The following F11 variants were observed in gnomAD, a reference collection of about 807,000 sequenced individuals.
F11 encodes coagulation factor XI.
F11 carries 78 observed loss-of-function variants against 76.5 expected under a neutral mutation model. The ratio of observed to expected loss-of-function variants is 1.02; its 90% CI spans 0.85 to 1.23. F11 has a LOEUF of 1.23. Among genes scored for constraint, F11 ranks in the 50% most tolerant of loss-of-function variants. F11 has a pLI of 0.00. For synonymous variants in F11, 278 were observed against 276.3 expected, an observed-to-expected ratio of 1.01 and a Z score of -0.06; for missense variants, 742 against 771.4, an observed-to-expected ratio of 0.96 and a Z score of 0.45.
chr4:186,285,683 T>C lies in F11; in HGVS notation c.1350T>C (p.Asn450=). The change falls in exon 12 of 15, where the codon AAT becomes AAC. Residue 450 remains asparagine, a synonymous_variant. Coordinates refer to ENST00000403665, the MANE Select transcript of F11 (RefSeq NM_000128.4). ...TGCGTGTCTACAGTGGCATTTTAAA[T>C]CAATCTGAAATAAAAGAGGACACAT... The part of the protein sequence containing the change: ...KILRVYSGIL[N]QSEIKEDTSF... 6.2e-7 allele frequency: 1 copy of C among 1,614,126 alleles called. No homozygotes were observed.
intron 2 of F11, among the ~76,000 whole-genome samples, chr4:186,268,407 G>C (rs926321185): frequency 2.0e-5 from 3 of 152,198 alleles, no homozygotes; most frequent in Non-Finnish European, 2.9e-5. Context: ...AGGAATGATA[G>C]TGTACATATT....
rs1267998375 is a variant in F11 at position 186,287,764 on chromosome 4, A to C, written c.1657A>C (p.Lys553Gln). The C allele has an allele frequency of 2.1e-5, 34 of 1,613,778 alleles. No individual in the cohort carries two copies. The highest frequency in any genetic ancestry group is 2.8e-5 in the Non-Finnish European group (33 of 1,179,794). ...EECQKRYRGH[K>Q]ITHKMICAGY... ...GTGCCAGAAGAGATACAGAGGACAT[A>C]AAATAACCCATAAGATGATCTGTGC... The change falls in exon 14 of 15, where the codon AAA becomes CAA. Residue 553 changes from lysine (K) to glutamine (Q), a missense_variant. Coordinates refer to ENST00000403665, the MANE Select transcript of F11 (RefSeq NM_000128.4).
At chr4:186,272,270 C>T (rs1413249766) in intron 3 of F11, among the ~76,000 whole-genome samples, 1 of 152,138 alleles carries the variant, frequency 6.6e-6, no homozygotes, top group African/African-American at 2.4e-5. Context: ...ACATGTTTAA[C>T]CGTTTGAAAT....
chr4:186,287,027 G>A (rs1741254781), intron 13 of F11, among the ~76,000 whole-genome samples: 1 of 152,036 alleles, frequency 6.6e-6, no homozygotes, highest in Non-Finnish European at 1.5e-5. Flanking sequence ...AGGCTGGAGT[G>A]CAGTGGCACG....
At chr4:186,286,296 CA>C in intron 12 of F11, 118 bp from the exon 13 acceptor site, 1 of 1,029,698 alleles carries the variant, frequency 9.7e-7, no homozygotes, top group South Asian at 1.3e-5. Flanking sequence ...GACAACAAGG[CA>C]AAAAATGAAT....
chr4:186,280,595 A>G lies in F11; in HGVS notation c.1135+15A>G. ...AATGGATAATGGTGAGTATAATGTC[A>G]CTTGAAAAAATATAGCTGAAGGAAT... On this transcript the variant is annotated intron_variant, in intron 10 of 14. Transcript: ENST00000403665. 1 of 1,571,728 alleles carries G rather than the reference A, an allele frequency of 6.4e-7. No individual in the cohort carries two copies. The highest frequency in any genetic ancestry group is 1.3e-5 in the African/African-American group (1 of 74,104).
At position 186,270,132 on chromosome 4, in the gene F11, G is replaced by C. The variant is rs531876969; in HGVS notation, c.56-1477G>C. The stretch of plus-strand genomic sequence containing the variant: ...CACAGATGATGTGATTGAGTACCTA[G>C]AAAAATCCAAAATTAACCATCACAT... On this transcript the variant is annotated intron_variant, in intron 2 of 14. Coordinates refer to ENST00000403665, the MANE Select transcript of F11 (RefSeq NM_000128.4). Among the ~76,000 whole-genome samples the C allele has an allele frequency of 2.0e-5, 3 of 152,276 alleles. No individual in the cohort carries two copies. The East Asian group carries it at 5.8e-4, about 29-fold the overall frequency.
chr4:186,270,961 C>A (rs545036378), intron 2 of F11, among the ~76,000 whole-genome samples: 38 of 151,852 alleles, frequency 2.5e-4, no homozygotes, highest in African/African-American at 8.7e-4. Context: ...CTACCTTAGC[C>A]TCCCAAAGTG....
At position 186,275,988 on chromosome 4, in the gene F11, A is replaced by T. The variant is rs182849264; in HGVS notation, c.595+92A>T. ...CTCAGGATACCAGCTTATGCTCACG[A>T]TGAAACGGACCCAAAGATCTTTACC... On this transcript the variant is annotated intron_variant, in intron 6 of 14. Transcript: ENST00000403665. 2,864 of 1,121,628 alleles carry T rather than the reference A, an allele frequency of 2.6e-3. 6 individuals carry two copies. The highest frequency in any genetic ancestry group is 2.8e-3 in the Non-Finnish European group (2,139 of 758,578). 69.5% of individuals were successfully genotyped at this position (1,121,628 alleles called of 1,614,324 possible).
At position 186,282,791 on chromosome 4, in the gene F11, G is replaced by A. The variant is rs899232331; in HGVS notation, c.1136-1301G>A. The A allele has an allele frequency of 7.1e-6, 7 of 985,074 alleles. No individual in the cohort carries two copies. The East Asian group carries it at 5.7e-4, about 80-fold the overall frequency. The allele number at this position is 985,074 out of a possible 1,614,324, so 61.0% of individuals were successfully genotyped here. ...CTGTTCAGGCTTCCGAAGTCACATCGTGCTCGTTCTCACCTCAGTTGCTGT... is the reference window on the plus strand; with the variant it reads ...CTGTTCAGGCTTCCGAAGTCACATCATGCTCGTTCTCACCTCAGTTGCTGT... On this transcript the variant is annotated intron_variant, in intron 10 of 14. Transcript: ENST00000403665.
intron 3 of F11, 140 bp downstream of exon 3, chr4:186,271,911 C>T: frequency 9.7e-7 from 1 of 1,034,756 alleles, no homozygotes; most frequent in Non-Finnish European, 1.5e-6. Context: ...AATATTGTTA[C>T]AGAAAGAAGT....
intron 7 of F11, 62 bp from the exon 8 acceptor site, chr4:186,279,949 GC>G: frequency 8.2e-7 from 1 of 1,224,354 alleles, no homozygotes; most frequent in South Asian, 1.2e-5. Flanking sequence ...TTCTCTAGGT[GC>G]TGTAAAAATG....
At chr4:186,276,047 C>A in intron 6 of F11, 151 bp downstream of exon 6, 1 of 916,566 alleles carries the variant, frequency 1.1e-6, no homozygotes, top group Non-Finnish European at 1.7e-6. Context: ...ATGTCCTATA[C>A]AGTTAGATCC....
chr4:186,275,952 A>T (rs893990540), intron 6 of F11, 56 bp downstream of exon 6: 6 of 1,357,020 alleles, frequency 4.4e-6, no homozygotes, highest in Non-Finnish European at 6.2e-6. Flanking sequence ...TGATGATTAC[A>T]GTAGATCTCA....
At chr4:186,281,880 G>C in intron 10 of F11, 1 of 1,220,526 alleles carries the variant, frequency 8.2e-7, no homozygotes, top group South Asian at 1.4e-5. Context: ...AGAACATAAA[G>C]ACGTTATATT....
rs552380122 is a variant in F11 at position 186,276,227 on chromosome 4, G to C, written c.596-4G>C. The C allele has an allele frequency of 1.9e-6, 3 of 1,614,036 alleles. No individual in the cohort carries two copies. Among genetic ancestry groups the C allele is most frequent in the South Asian group, 2.2e-5 (2 of 91,076 alleles). On this transcript the variant is annotated splice_polypyrimidine_tract_variant and splice_region_variant and intron_variant, in intron 6 of 14. Transcript: ENST00000403665. ...GTCCCTGACATAGTTCTTCCGTCGC[G>C]CAGCTTGTATTAGGGACATTTTCCC...
chr4:186,273,699 C>T (rs963248776), intron 4 of F11, among the ~76,000 whole-genome samples: 5 of 152,134 alleles, frequency 3.3e-5, no homozygotes, highest in East Asian at 1.9e-4. Flanking sequence ...GTGATCTGCC[C>T]GCCTCGGCCT....
At position 186,271,591 on chromosome 4, in the gene F11, C is replaced by T; in HGVS notation, c.56-18C>T. The T allele has an allele frequency of 6.2e-7, 1 of 1,613,930 alleles. No homozygotes were observed. The highest frequency in any genetic ancestry group is 1.3e-5 in the African/African-American group (1 of 75,044). The stretch of plus-strand genomic sequence containing the variant: ...CCAGTAAAATCCAACATAACGCATG[C>T]CATGTACTACATCACAGAATGTGTG... On this transcript the variant is annotated intron_variant, in intron 2 of 14. Transcript: ENST00000403665.
intron 2 of F11, 113 bp downstream of exon 2, chr4:186,267,304 T>C: frequency 1.2e-6 from 1 of 818,696 alleles, no homozygotes. Flanking sequence ...AAAATGTTTT[T>C]ATTAACTTCC....
Sources: gnomAD v4.1 joint callset for allele counts (sites outside exome capture counted in the v4.1 genomes callset) on GRCh38, gnomAD v4.1.1 for gene constraint, MANE v1.5 for transcripts, NCBI Gene and HGNC (gene_info 2026-07-23, HGNC 2026-07-21) for gene names.